MYOZ2: variants seen among roughly 807,000 people sequenced by gnomAD.
The protein encoded by MYOZ2 is myozenin-2.
A neutral mutation model predicts 25.4 loss-of-function variants in MYOZ2; 19 were observed. The observed-to-expected ratio is 0.75, with a 90% CI of 0.52 to 1.10. MYOZ2 has a LOEUF of 1.10. Ranked by LOEUF, MYOZ2 falls within the 50% of genes least tolerant of loss-of-function variation. The probability of loss-of-function intolerance (pLI) is 0.00; values close to 1 mark genes in which losing one functional copy is unlikely to be tolerated. For synonymous variants in MYOZ2, 92 were observed against 106.9 expected (o/e 0.86, Z 0.86); for missense variants, 270 against 317.9 (o/e 0.85, Z 1.15).
At chr4:119,159,404 A>G (rs1741655750) in intron 4 of MYOZ2, among the ~76,000 whole-genome samples, 2 of 152,166 alleles carry the variant, frequency 1.3e-5, no homozygotes, top group Admixed American at 1.3e-4. Flanking sequence ...GCAGCTCCTA[A>G]AGAGTATACA....
At chr4:119,144,114 C>T (rs1741233034) in intron 2 of MYOZ2, among the ~76,000 whole-genome samples, 1 of 152,192 alleles carries the variant, frequency 6.6e-6, no homozygotes, top group Non-Finnish European at 1.5e-5. Context: ...ACCCACTTCT[C>T]TCTAGGCCCC....
chr4:119,152,373 A>G (rs563186108), intron 3 of MYOZ2, among the ~76,000 whole-genome samples: 1 of 152,216 alleles, frequency 6.6e-6, no homozygotes, highest in Admixed American at 6.6e-5. Flanking sequence ...TCTATGGAGT[A>G]GTACAAAATA....
At chr4:119,147,415 G>A (rs1365177711) in intron 2 of MYOZ2, among the ~76,000 whole-genome samples, 2 of 151,982 alleles carry the variant, frequency 1.3e-5, no homozygotes, top group African/African-American at 2.4e-5. Flanking sequence ...GTCTACTGAT[G>A]TTGTCATTTT....
chr4:119,169,589 C>A (rs1360230654), intron 5 of MYOZ2, among the ~76,000 whole-genome samples: 1 of 152,152 alleles, frequency 6.6e-6, no homozygotes, highest in Non-Finnish European at 1.5e-5. Flanking sequence ...AGATTTTAAC[C>A]CAACATGTGG....
At chr4:119,167,596 G>A (rs1173463312) in intron 5 of MYOZ2, among the ~76,000 whole-genome samples, 1 of 152,224 alleles carries the variant, frequency 6.6e-6, no homozygotes, top group Non-Finnish European at 1.5e-5. Flanking sequence ...TCTATTGGAA[G>A]AAGATACCAT....
intron 2 of MYOZ2, among the ~76,000 whole-genome samples, chr4:119,145,536 GTGTGTGTGTGTGTT>G (rs1401581614): frequency 2.2e-4 from 32 of 142,724 alleles, no homozygotes; most frequent in Non-Finnish European, 3.3e-4. Flanking sequence ...GTGTGTGTGT[GTGTGTGTGTGTGTT>G]TTTGGTAGAG....
rs1742336829 is a variant in MYOZ2 at position 119,187,708 on chromosome 4, A to C, written c.*1508A>C. 1 of 152,270 alleles carries C rather than the reference A, an allele frequency of 6.6e-6. No individual in the cohort carries two copies. Among genetic ancestry groups the C allele is most frequent in the South Asian group, 2.1e-4 (1 of 4,828 alleles). 9.4% of individuals were successfully genotyped at this position (152,270 alleles called of 1,614,324 possible). A position where few individuals can be genotyped will look rare whatever the true frequency, so the allele number is the denominator to read the frequency against. On this transcript the variant is annotated 3_prime_UTR_variant, in exon 6 of 6. Transcript: ENST00000307128. Reference sequence around the variant, plus strand: ...AATGATAATGTTGGCATCTGTGATAAACTATCAATGAGGCTCCCATCATGC... The same window carrying C: ...AATGATAATGTTGGCATCTGTGATACACTATCAATGAGGCTCCCATCATGC...
In MYOZ2 at chr4:119,170,732, C is replaced by T. The variant is rs578192591; in HGVS notation, c.560+6338C>T. 3.9e-4 allele frequency among the ~76,000 whole-genome samples: 60 copies of T among 152,090 alleles called. No individual in the cohort carries two copies. In the South Asian group the frequency reaches 7.3e-3, roughly 18 times the overall value. ...CAATATATGTGTATGGTTGGAGCCT[C>T]AGAAGGGAATAAGAGAGAGAAGCAA... On this transcript the variant is annotated intron_variant, in intron 5 of 5. Coordinates refer to ENST00000307128, the MANE Select transcript of MYOZ2 (RefSeq NM_016599.5).
At chr4:119,154,888 CACAA>C (rs1273442348) in intron 3 of MYOZ2, among the ~76,000 whole-genome samples, 20 of 151,602 alleles carry the variant, frequency 1.3e-4, no homozygotes, top group Middle Eastern at 6.8e-3. Flanking sequence ...CACACACACA[CACAA>C]TGCCTTTCTT....
intron 5 of MYOZ2, among the ~76,000 whole-genome samples, chr4:119,170,975 A>T (rs899346716): frequency 7.2e-5 from 11 of 152,216 alleles, no homozygotes; most frequent in Admixed American, 7.2e-4. Context: ...TGATTTTCCA[A>T]CTGAAATGAT....
intron 1 of MYOZ2, 89 bp from the exon 2 acceptor site, chr4:119,136,422 AC>A: frequency 8.7e-7 from 1 of 1,146,018 alleles, no homozygotes; most frequent in Non-Finnish European, 1.3e-6. Context: ...TTAATAAAGA[AC>A]AAAGATGTTG....
chr4:119,154,280 G>A (rs1376701062), intron 3 of MYOZ2, among the ~76,000 whole-genome samples: 1 of 152,064 alleles, frequency 6.6e-6, no homozygotes, highest in East Asian at 1.9e-4. Context: ...ATAATCTATA[G>A]GATATGGCTC....
At chr4:119,172,552 T>C (rs778827651) in intron 5 of MYOZ2, among the ~76,000 whole-genome samples, 52 of 152,202 alleles carry the variant, frequency 3.4e-4, no homozygotes, top group Admixed American at 2.0e-4. Context: ...GTTTACAAAA[T>C]ATCTCAAACA....
chr4:119,175,623 G>A (rs1414985041), intron 5 of MYOZ2, among the ~76,000 whole-genome samples: 1 of 151,928 alleles, frequency 6.6e-6, no homozygotes, highest in Non-Finnish European at 1.5e-5. Context: ...GTGGTGGCGG[G>A]CGTCTGTAAT....
chr4:119,166,999 A>G (rs184214682), intron 5 of MYOZ2, among the ~76,000 whole-genome samples: 38 of 152,330 alleles, frequency 2.5e-4, no homozygotes, highest in Non-Finnish European at 4.4e-4. Context: ...AATTAAGCCA[A>G]TTAATAACCC....
rs1361309966 is a variant in MYOZ2, at chr4:119,164,408, C to T, written c.560+14C>T. ...GAGCTTTAACAGGTAATTCAATGGTCCTGGGTGACACTGTTGGCATGCAAT... is the reference window on the plus strand; with the variant it reads ...GAGCTTTAACAGGTAATTCAATGGTTCTGGGTGACACTGTTGGCATGCAAT... On this transcript the variant is annotated intron_variant, in intron 5 of 5. Transcript: ENST00000307128. 1.7e-5 allele frequency: 28 copies of T among 1,613,754 alleles called. No homozygotes were observed. The highest frequency in any genetic ancestry group is 1.7e-4 in the Middle Eastern group (1 of 6,060).
rs1032602595 is a variant in MYOZ2, at chr4:119,147,423, T to C, written c.77-3449T>C. On this transcript the variant is annotated intron_variant, in intron 2 of 5. Transcript: ENST00000307128. ...TATCACAGTCTACTGATGTTGTCAT[T>C]TTACCAGTGCAAGTATAGAAAATTT... 2.6e-5 allele frequency among the ~76,000 whole-genome samples: 4 copies of C among 152,112 alleles called. No homozygotes were observed. In the South Asian group the frequency reaches 8.3e-4, roughly 31 times the overall value.
chr4:119,170,430 T>G (rs981205291), intron 5 of MYOZ2, among the ~76,000 whole-genome samples: 1 of 152,208 alleles, frequency 6.6e-6, no homozygotes, highest in Non-Finnish European at 1.5e-5. Context: ...GGACCATGGA[T>G]AGAGCTCTGG....
In MYOZ2 at chr4:119,164,671, G is replaced by A; in HGVS notation, c.560+277G>A. Among the ~76,000 whole-genome samples, 2 of 152,184 alleles carry A rather than the reference G, an allele frequency of 1.3e-5. 1 individual carries two copies. Among genetic ancestry groups the A allele is most frequent in the African/African-American group, 4.8e-5 (2 of 41,514 alleles). On this transcript the variant is annotated intron_variant, in intron 5 of 5. Transcript: ENST00000307128. ...GATTATCCCTTGATACTTTAAAAAT[G>A]TTATTTTAATAATAGTTTCAAATCC... is the stretch of plus-strand genomic sequence containing the variant.
Sources: allele counts gnomAD v4.1 joint callset (sites outside exome capture counted in the v4.1 genomes callset), GRCh38; gene constraint gnomAD v4.1.1; transcripts MANE v1.5; gene names NCBI Gene and HGNC (gene_info 2026-07-23, HGNC 2026-07-21).